SV2B: variants seen among roughly 807,000 people sequenced by gnomAD.
The protein encoded by SV2B is synaptic vesicle glycoprotein 2B, also known as solute carrier family 22 member B2.
SV2B carries 41 observed loss-of-function variants against 73.9 expected under a neutral mutation model. The observed-to-expected ratio is 0.56, with a 90% CI of 0.43 to 0.72. The LOEUF is 0.72. Among genes scored for constraint, SV2B ranks in the 30% least tolerant of loss-of-function variants. The pLI is 0.00. For synonymous variants in SV2B, 314 were observed against 314.2 expected (o/e 1.00, Z 0.01); for missense variants, 764 against 857.8 (o/e 0.89, Z 1.37).
chr15:91,125,740 C>T (rs1198874501), intron 1 of SV2B, among the ~76,000 whole-genome samples: 1 of 132,220 alleles, frequency 7.6e-6, no homozygotes, highest in Non-Finnish European at 1.6e-5. Flanking sequence ...TTGCCACTGC[C>T]CTCTGGCCTG....
At chr15:91,148,427 A>G (rs973445763) in intron 1 of SV2B, among the ~76,000 whole-genome samples, 1 of 152,132 alleles carries the variant, frequency 6.6e-6, no homozygotes, top group East Asian at 1.9e-4. Flanking sequence ...ATGTGGGGAG[A>G]CAGCAAGTGA....
intron 2 of SV2B, among the ~76,000 whole-genome samples, chr15:91,238,158 C>T (rs2046864044): frequency 6.6e-6 from 1 of 152,220 alleles, no homozygotes; most frequent in Non-Finnish European, 1.5e-5. Context: ...TTGTTTCCCA[C>T]TGTCTTATAT....
intron 9 of SV2B, among the ~76,000 whole-genome samples, chr15:91,278,345 G>A (rs1027829644): frequency 6.6e-6 from 1 of 151,882 alleles, no homozygotes; most frequent in African/African-American, 2.4e-5. Context: ...TTCATTTTTT[G>A]GAGGGTGGCA....
Position 91,267,594 on chromosome 15 carries a change from A to C in SV2B, c.1159A>C (p.Arg387=). ...CCTGTACTGTGTGATGGGGCCCTACAGAATGAATACACTGATTCTGGCCGT... is the reference window on the plus strand; with the variant it reads ...CCTGTACTGTGTGATGGGGCCCTACCGAATGAATACACTGATTCTGGCCGT... ...NALYCVMGPY[R]MNTLILAVVW... is the part of the protein sequence containing the mutation. Residue 387 remains arginine, a synonymous_variant, in exon 8 of 13, where the codon AGA becomes CGA. Coordinates refer to ENST00000394232, the MANE Select transcript of SV2B (RefSeq NM_001323032.3). This position sits in a 1 kb window ranked among gnomAD's most constrained non-coding sequence, Gnocchi z 4.3. 6.2e-7 allele frequency: 1 copy of C among 1,613,502 alleles called. No individual in the cohort carries two copies. The highest frequency in any genetic ancestry group is 8.5e-7 in the Non-Finnish European group (1 of 1,179,726).
At chr15:91,278,008 C>T (rs1469828212) in intron 9 of SV2B, among the ~76,000 whole-genome samples, 1 of 152,186 alleles carries the variant, frequency 6.6e-6, no homozygotes, top group Non-Finnish European at 1.5e-5. Flanking sequence ...TATTGCCAGA[C>T]TCACTGAGGC....
Position 91,122,289 on chromosome 15 carries a change from C to G in SV2B, c.-392+21926C>G, listed in dbSNP as rs1042453245. ...AGTCAGATTCAGAGAAGGAGTTGATCAACGATATCCTCTCCCTCCTCCATC... is the reference window on the plus strand; with the variant it reads ...AGTCAGATTCAGAGAAGGAGTTGATGAACGATATCCTCTCCCTCCTCCATC... On this transcript the variant is annotated intron_variant, in intron 1 of 12. Coordinates refer to ENST00000394232, the MANE Select transcript of SV2B (RefSeq NM_001323032.3). This position sits in a 1 kb window ranked among gnomAD's most constrained non-coding sequence, Gnocchi z 4.3. 6.6e-6 allele frequency among the ~76,000 whole-genome samples: 1 copy of G among 152,182 alleles called. No individual in the cohort carries two copies. Among genetic ancestry groups the G allele is most frequent in the Non-Finnish European group, 1.5e-5 (1 of 68,032 alleles).
chr15:91,223,071 C>T lies in SV2B; in HGVS notation c.-391-2802C>T, dbSNP rs1000468152. ...AGAGAATCTGTTGCAGGTTGGGAAG[C>T]CTTAGGCTTGTAGATGGCATTTGTC... On this transcript the variant is annotated intron_variant, in intron 1 of 12. Coordinates refer to ENST00000394232, the MANE Select transcript of SV2B (RefSeq NM_001323032.3). The surrounding 1 kb of genome is among the most constrained non-coding windows in gnomAD (Gnocchi z 4.6). Among the ~76,000 whole-genome samples, 1 of 152,108 alleles carries T rather than the reference C, an allele frequency of 6.6e-6. No individual in the cohort carries two copies. Among genetic ancestry groups the T allele is most frequent in the South Asian group, 2.1e-4 (1 of 4,820 alleles).
intron 1 of SV2B, among the ~76,000 whole-genome samples, chr15:91,188,144 A>G (rs1021468424): frequency 1.3e-5 from 2 of 152,014 alleles, no homozygotes; most frequent in African/African-American, 4.8e-5. Context: ...AAAATATACC[A>G]AGAGGTATAA....
intron 1 of SV2B, among the ~76,000 whole-genome samples, chr15:91,116,222 A>G (rs947296070): frequency 1.3e-5 from 2 of 152,074 alleles, no homozygotes; most frequent in Non-Finnish European, 2.9e-5. Context: ...CTCGGTGTCA[A>G]ACTGCCTGCT....
chr15:91,292,272 C>T, intron 12 of SV2B, 97 bp from the exon 13 acceptor site: 2 of 1,263,556 alleles, frequency 1.6e-6, no homozygotes, highest in South Asian at 1.6e-5. Flanking sequence ...AACTCCCTTG[C>T]ACCCTCTTCC....
At position 91,197,937 on chromosome 15, in the gene SV2B, A is replaced by C. The variant is rs746420541; in HGVS notation, c.-391-27936A>C. 8.5e-5 allele frequency among the ~76,000 whole-genome samples: 13 copies of C among 152,064 alleles called. No individual in the cohort carries two copies. Among genetic ancestry groups the C allele is most frequent in the Non-Finnish European group, 1.9e-4 (13 of 67,996 alleles). On this transcript the variant is annotated intron_variant, in intron 1 of 12. Coordinates refer to ENST00000394232, the MANE Select transcript of SV2B (RefSeq NM_001323032.3). The surrounding 1 kb of genome is among the most constrained non-coding windows in gnomAD (Gnocchi z 4.9). ...TAATCCCAGCTACTTGGCAGGCTGA[A>C]GCAGGAGAATCTCTTGAACCTGGGA...
chr15:91,150,275 G>A (rs1222947283), intron 1 of SV2B, among the ~76,000 whole-genome samples: 1 of 151,976 alleles, frequency 6.6e-6, no homozygotes, highest in African/African-American at 2.4e-5. Context: ...CCAAAGTGCT[G>A]GGATTACAGA....
chr15:91,230,920 A>G (rs904446181), intron 2 of SV2B, among the ~76,000 whole-genome samples: 9 of 152,168 alleles, frequency 5.9e-5, no homozygotes, highest in African/African-American at 2.2e-4. Flanking sequence ...GTGTGAAGGG[A>G]TAGAGCTTGA....
In SV2B at chr15:91,136,656, C is replaced by T. The variant is rs769314199; in HGVS notation, c.-392+36293C>T. On this transcript the variant is annotated intron_variant, in intron 1 of 12. Coordinates refer to ENST00000394232, the MANE Select transcript of SV2B (RefSeq NM_001323032.3). This position sits in a 1 kb window ranked among gnomAD's most constrained non-coding sequence, Gnocchi z 5.6. Reference sequence around the variant, plus strand: ...CTGGAGCAAGGAAGCTCTAGGTTCCCGTAAGGCAGACTGCCTTTTTAGTTG... The same window carrying T: ...CTGGAGCAAGGAAGCTCTAGGTTCCTGTAAGGCAGACTGCCTTTTTAGTTG... Among the ~76,000 whole-genome samples the T allele has an allele frequency of 7.9e-5, 12 of 152,176 alleles. No homozygotes were observed. The highest frequency in any genetic ancestry group is 1.3e-4 in the Non-Finnish European group (9 of 68,042).
chr15:91,112,466 G>A lies in SV2B; in HGVS notation c.-392+12103G>A, dbSNP rs191411635. On this transcript the variant is annotated intron_variant, in intron 1 of 12. Transcript: ENST00000394232. ...AAACTGTGATTGAAGTCTTGGAAATGCTCTGAGGCACAGAAAGATCCCAGA... is the reference window on the plus strand; with the variant it reads ...AAACTGTGATTGAAGTCTTGGAAATACTCTGAGGCACAGAAAGATCCCAGA... Among the ~76,000 whole-genome samples, 4 of 152,330 alleles carry A rather than the reference G, an allele frequency of 2.6e-5. No homozygotes were observed. The East Asian group carries it at 7.7e-4, about 29-fold the overall frequency.
rs2046476443 is a variant in SV2B at position 91,229,102 on chromosome 15, G to T, written c.451+2388G>T. ...CTCACGCCTCGTTTGTGGGAAGGAG[G>T]TCATGCCGTGCACAGGCTGCTCTCT... On this transcript the variant is annotated intron_variant, in intron 2 of 12. Coordinates refer to ENST00000394232, the MANE Select transcript of SV2B (RefSeq NM_001323032.3). This position sits in a 1 kb window ranked among gnomAD's most constrained non-coding sequence, Gnocchi z 4.3. Among the ~76,000 whole-genome samples, 1 of 152,224 alleles carries T rather than the reference G, an allele frequency of 6.6e-6. No homozygotes were observed. Among genetic ancestry groups the T allele is most frequent in the Non-Finnish European group, 1.5e-5 (1 of 68,046 alleles).
rs778586878 is a variant in SV2B, at chr15:91,268,579, C to A, written c.1347C>A (p.His449Gln). 1 of 1,613,320 alleles carries A rather than the reference C, an allele frequency of 6.2e-7. No individual in the cohort carries two copies. The highest frequency in any genetic ancestry group is 1.1e-5 in the South Asian group (1 of 91,026). Reference protein sequence around the residue: ...TINFTMENQIHQHGKLVNDKF... With the variant: ...TINFTMENQIQQHGKLVNDKF... ...ACTTCACGATGGAAAATCAGATCCACCAACATGGGAAACTTGTGAATGATA... is the reference window on the plus strand; with the variant it reads ...ACTTCACGATGGAAAATCAGATCCAACAACATGGGAAACTTGTGAATGATA... The change falls in exon 9 of 13, where the codon CAC becomes CAA. Residue 449 changes from histidine (H) to glutamine (Q), a missense_variant. Physicochemically the swap from His to Gln is conservative, Grantham distance 24. Transcript: ENST00000394232. This position sits in a 1 kb window ranked among gnomAD's most constrained non-coding sequence, Gnocchi z 4.4.
rs148699658 is a variant in SV2B, at chr15:91,189,614, C to A, written c.-391-36259C>A. On this transcript the variant is annotated intron_variant, in intron 1 of 12. Transcript: ENST00000394232. ...CATCTCACACATAAATTTGGTAAGTCTTTCCATATGTTCAAGCCTTTTAAA... is the reference window on the plus strand; with the variant it reads ...CATCTCACACATAAATTTGGTAAGTATTTCCATATGTTCAAGCCTTTTAAA... Among the ~76,000 whole-genome samples, 62 of 152,296 alleles carry A rather than the reference C, an allele frequency of 4.1e-4. 1 individual carries two copies. In the East Asian group the frequency reaches 0.012, roughly 28 times the overall value.
In SV2B at chr15:91,141,525, G is replaced by A. The variant is rs932931573; in HGVS notation, c.-392+41162G>A. 2.0e-5 allele frequency among the ~76,000 whole-genome samples: 3 copies of A among 152,174 alleles called. No individual in the cohort carries two copies. Among genetic ancestry groups the A allele is most frequent in the East Asian group, 1.9e-4 (1 of 5,200 alleles). On this transcript the variant is annotated intron_variant, in intron 1 of 12. Coordinates refer to ENST00000394232, the MANE Select transcript of SV2B (RefSeq NM_001323032.3). This position sits in a 1 kb window ranked among gnomAD's most constrained non-coding sequence, Gnocchi z 4.6. ...ACTTACCATCTGTGAGACTTTCAGCGAGTTACCAAATTCCAGCGAGCTTTG... is the reference window on the plus strand; with the variant it reads ...ACTTACCATCTGTGAGACTTTCAGCAAGTTACCAAATTCCAGCGAGCTTTG...
Sources: gnomAD v4.1 joint callset for allele counts (sites outside exome capture counted in the v4.1 genomes callset) on GRCh38, gnomAD v4.1.1 for gene constraint, Gnocchi (gnomAD v3.1) non-coding constraint, MANE v1.5 for transcripts, NCBI Gene and HGNC (gene_info 2026-07-23, HGNC 2026-07-21) for gene names.